Variants in CNTNAP2 observed in about 807,000 individuals in gnomAD.
CNTNAP2 encodes the protein contactin associated protein 2.
A neutral mutation model predicts 155.2 loss-of-function variants in CNTNAP2; 98 were observed. The ratio of observed to expected loss-of-function variants is 0.63; its 90% confidence interval spans 0.54 to 0.75. CNTNAP2 has a LOEUF of 0.75. CNTNAP2 is among the 30% of genes least tolerant of loss of function. The probability of loss-of-function intolerance (pLI) is 0.00; values close to 1 mark genes in which losing one functional copy is unlikely to be tolerated. For synonymous variants in CNTNAP2, 651 were observed against 631.2 expected (o/e 1.03, Z -0.47); for missense variants, 1,727 against 1,688.1 (o/e 1.02, Z -0.40).
At chr7:146,611,622 C>T (rs1799139312) in intron 1 of CNTNAP2, among the ~76,000 whole-genome samples, 1 of 152,126 alleles carries the variant, frequency 6.6e-6, no homozygotes, top group South Asian at 2.1e-4. Context: ...CTACAAAGAA[C>T]ATTTCTTGTA....
At chr7:148,216,656 G>A (rs1425105765) in intron 18 of CNTNAP2, among the ~76,000 whole-genome samples, 1 of 152,068 alleles carries the variant, frequency 6.6e-6, no homozygotes, top group African/African-American at 2.4e-5. Flanking sequence ...TTCTTGGTAT[G>A]TGAAATTTTT....
At chr7:147,184,793 G>A (rs996782614) in intron 8 of CNTNAP2, among the ~76,000 whole-genome samples, 6 of 152,058 alleles carry the variant, frequency 3.9e-5, no homozygotes, top group African/African-American at 1.4e-4. Flanking sequence ...TGTCCAAAAC[G>A]AACCAAAAAT....
intron 3 of CNTNAP2, among the ~76,000 whole-genome samples, chr7:146,968,245 C>T (rs1449165565): frequency 3.9e-5 from 6 of 152,056 alleles, no homozygotes; most frequent in Non-Finnish European, 5.9e-5. Flanking sequence ...CATCAATGTT[C>T]ATCAAGGATA....
At chr7:147,169,819 C>T (rs554221925) in intron 8 of CNTNAP2, among the ~76,000 whole-genome samples, 1 of 152,040 alleles carries the variant, frequency 6.6e-6, no homozygotes, top group Non-Finnish European at 1.5e-5. Context: ...TTCTATTTTG[C>T]CTTTCAGCTC....
chr7:146,426,118 G>A (rs62503489), intron 1 of CNTNAP2, among the ~76,000 whole-genome samples: 302 of 145,596 alleles, frequency 2.1e-3, no homozygotes, highest in African/African-American at 7.0e-3. Context: ...CTCGGGAGGC[G>A]GAGGCTGCAG....
At chr7:148,250,382 A>T (rs974104236) in intron 20 of CNTNAP2, among the ~76,000 whole-genome samples, 3 of 152,202 alleles carry the variant, frequency 2.0e-5, no homozygotes, top group African/African-American at 4.8e-5. Context: ...AGGAAGCGAT[A>T]TGAGGGTTAG....
intron 20 of CNTNAP2, among the ~76,000 whole-genome samples, chr7:148,262,460 G>A (rs1009866422): frequency 1.3e-5 from 2 of 152,290 alleles, no homozygotes; most frequent in South Asian, 2.1e-4. Context: ...AGCGCAAACG[G>A]CTGAAGTCAA....
At chr7:146,603,145 G>A (rs912774411) in intron 1 of CNTNAP2, among the ~76,000 whole-genome samples, 1 of 151,420 alleles carries the variant, frequency 6.6e-6, no homozygotes, top group East Asian at 1.9e-4. Context: ...GGGCGAGGTG[G>A]CTCACGCCTG....
At chr7:147,899,798 T>A (rs1223707947) in intron 13 of CNTNAP2, among the ~76,000 whole-genome samples, 1 of 151,434 alleles carries the variant, frequency 6.6e-6, no homozygotes, top group Non-Finnish European at 1.5e-5. Flanking sequence ...AGCAGGAGAA[T>A]CCTTTGAACC....
chr7:147,905,406 C>A (rs1396241192), intron 14 of CNTNAP2, among the ~76,000 whole-genome samples: 3 of 152,188 alleles, frequency 2.0e-5, no homozygotes, highest in Non-Finnish European at 4.4e-5. Flanking sequence ...AGTACCTGCA[C>A]CTAAGTGAAC....
intron 3 of CNTNAP2, among the ~76,000 whole-genome samples, chr7:146,883,637 A>G (rs989338829): frequency 5.3e-5 from 8 of 152,192 alleles, no homozygotes; most frequent in African/African-American, 1.9e-4. Flanking sequence ...AAGTACATAC[A>G]GCCAATACAC....
chr7:148,232,838 T>G (rs1795987251), intron 20 of CNTNAP2, among the ~76,000 whole-genome samples: 1 of 152,212 alleles, frequency 6.6e-6, no homozygotes, highest in African/African-American at 2.4e-5. Context: ...TGGCTAAAGC[T>G]AACATTAAAT....
chr7:146,893,145 A>G (rs1288483677), intron 3 of CNTNAP2, among the ~76,000 whole-genome samples: 3 of 152,120 alleles, frequency 2.0e-5, no homozygotes, highest in African/African-American at 7.2e-5. Context: ...CTGTGTCAGA[A>G]GAAAGAAGGC....
At chr7:146,826,677 A>G (rs984131115) in intron 2 of CNTNAP2, among the ~76,000 whole-genome samples, 2 of 152,080 alleles carry the variant, frequency 1.3e-5, no homozygotes, top group Non-Finnish European at 2.9e-5. Flanking sequence ...ACAGAATTCT[A>G]AGCAGAATTC....
intron 1 of CNTNAP2, among the ~76,000 whole-genome samples, chr7:146,372,091 ATAT>A (rs1200476953): frequency 1.1e-4 from 17 of 152,212 alleles, no homozygotes; most frequent in African/African-American, 4.1e-4. Flanking sequence ...AATGAAGAGG[ATAT>A]TAGTTGGGGA....
chr7:146,216,678 T>C (rs892386322), intron 1 of CNTNAP2, among the ~76,000 whole-genome samples: 2 of 152,198 alleles, frequency 1.3e-5, no homozygotes, highest in African/African-American at 4.8e-5. Flanking sequence ...AAATCTGTTT[T>C]CCTTTTGCTC....
At chr7:147,732,881 G>T (rs1796768198) in intron 13 of CNTNAP2, among the ~76,000 whole-genome samples, 2 of 152,132 alleles carry the variant, frequency 1.3e-5, no homozygotes, top group South Asian at 2.1e-4. Flanking sequence ...TGATGGGGTT[G>T]TTTGTTGTTT....
At chr7:148,343,924 C>T (rs1798277017) in intron 21 of CNTNAP2, among the ~76,000 whole-genome samples, 1 of 152,186 alleles carries the variant, frequency 6.6e-6, no homozygotes. Context: ...ATTCGTAATT[C>T]AGTGTTGCCT....
chr7:148,129,718 A>G (rs915908502), intron 16 of CNTNAP2, among the ~76,000 whole-genome samples: 7 of 152,362 alleles, frequency 4.6e-5, no homozygotes, highest in African/African-American at 1.7e-4. Flanking sequence ...AGACTTTATC[A>G]TATCCACTTG....
Sources: allele counts gnomAD v4.1 joint callset (sites outside exome capture counted in the v4.1 genomes callset), GRCh38; gene constraint gnomAD v4.1.1; transcripts MANE v1.5; gene names NCBI Gene and HGNC (gene_info 2026-07-23, HGNC 2026-07-21).